Variants in LSG1 observed in about 807,000 individuals in gnomAD.
The protein encoded by LSG1 is large 60S subunit nuclear export GTPase 1, also known as large subunit GTPase 1 homolog.
A neutral mutation model predicts 82.6 loss-of-function variants in LSG1; 55 were observed. That is an observed-to-expected ratio of 0.67 (90% CI 0.54 to 0.83). LSG1 has a LOEUF of 0.83. Among genes scored for constraint, LSG1 ranks in the 40% least tolerant of loss-of-function variants. The probability of loss-of-function intolerance (pLI) is 0.00; values close to 1 mark genes in which losing one functional copy is unlikely to be tolerated. For missense variants in LSG1, 809 were observed against 807.9 expected (o/e 1.00, Z -0.02); for synonymous variants, 272 against 282.5 (o/e 0.96, Z 0.37).
At chr3:194,657,456 A>T (rs1222038421) in intron 7 of LSG1, among the ~76,000 whole-genome samples, 1 of 96,022 alleles carries the variant, frequency 1.0e-5, no homozygotes, top group Non-Finnish European at 2.2e-5. Context: ...TTTGCTTAGT[A>T]AGTTTTTTTT....
chr3:194,649,192 T>C (rs892214281), intron 10 of LSG1, among the ~76,000 whole-genome samples: 1 of 152,152 alleles, frequency 6.6e-6, no homozygotes, highest in Non-Finnish European at 1.5e-5. Flanking sequence ...TCATCTCCCA[T>C]AGTTTGTCCA....
At chr3:194,649,644 T>C (rs113027770) in intron 10 of LSG1, among the ~76,000 whole-genome samples, 6,829 of 151,838 alleles carry the variant, frequency 0.045, 515 homozygotes, top group African/African-American at 0.16. Context: ...GAGCAGAGAT[T>C]GCACCACTGT....
chr3:194,653,154 A>C lies in LSG1; in HGVS notation c.760-12T>G. The stretch of plus-strand genomic sequence containing the variant: ...CTGTTTGCCTCTTCCTGACAAAATA[A>C]TAGAAACGCTCAGAAGTATATAACT... On this transcript the variant is annotated splice_polypyrimidine_tract_variant and intron_variant, in intron 7 of 13. Coordinates refer to ENST00000265245, the MANE Select transcript of LSG1 (RefSeq NM_018385.3). 6.2e-7 allele frequency: 1 copy of C among 1,608,984 alleles called. No homozygotes were observed. Among genetic ancestry groups the C allele is most frequent in the South Asian group, 1.1e-5 (1 of 90,342 alleles).
chr3:194,671,888 T>C, intron 1 of LSG1, 176 bp downstream of exon 1: 2 of 660,634 alleles, frequency 3.0e-6, no homozygotes, highest in South Asian at 1.7e-5. Flanking sequence ...CCTACCTTTG[T>C]GTTCTGGGCC....
chr3:194,671,883 C>G, intron 1 of LSG1, 181 bp downstream of exon 1: 1 of 656,664 alleles, frequency 1.5e-6, no homozygotes, highest in South Asian at 1.7e-5. Flanking sequence ...CTTCTCCTAC[C>G]TTTGTGTTCT....
At position 194,644,704 on chromosome 3, in the gene LSG1, C is replaced by T; in HGVS notation, c.1666G>A (p.Val556Ile). Residue 556 changes from valine (V) to isoleucine (I), a missense_variant, in exon 13 of 14, where the codon GTA becomes ATA. Physicochemically the swap from Val to Ile is conservative, Grantham distance 29 (BLOSUM62 3). Transcript: ENST00000265245. The part of the protein sequence containing the change: ...YCHPPPGRDP[V>I]TFQHQHQRLL... ...CGCTGGTGTTGATGCTGAAAAGTTA[C>T]AGGATCTCTTCCAGGAGGAGGATGG... The T allele has an allele frequency of 1.9e-6, 3 of 1,608,652 alleles. No homozygotes were observed. Among genetic ancestry groups the T allele is most frequent in the Non-Finnish European group, 2.5e-6 (3 of 1,177,080 alleles).
chr3:194,649,210 C>G (rs1016244535), intron 10 of LSG1, among the ~76,000 whole-genome samples: 9 of 152,052 alleles, frequency 5.9e-5, no homozygotes, highest in African/African-American at 1.9e-4. Flanking sequence ...CCAAATTTTC[C>G]TTAAGCCACT....
In LSG1 at chr3:194,641,654, C is replaced by T. The variant is rs939864917; in HGVS notation, c.*414G>A. ...CTTGTGATGCAGTCTCACTCTGTCG[C>T]CCAGGCTGGAGTGCAGCGGCGCAAT... is the stretch of plus-strand genomic sequence containing the variant. On this transcript the variant is annotated 3_prime_UTR_variant, in exon 14 of 14. Transcript: ENST00000265245. The T allele has an allele frequency of 1.3e-5, 2 of 153,942 alleles. No individual in the cohort carries two copies. The highest frequency in any genetic ancestry group is 2.9e-5 in the Non-Finnish European group (2 of 69,236). The allele number at this position is 153,942 out of a possible 1,614,324, so 9.5% of individuals were successfully genotyped here.
At chr3:194,671,984 C>T in intron 1 of LSG1, 80 bp downstream of exon 1, 1 of 1,360,692 alleles carries the variant, frequency 7.3e-7, no homozygotes, top group Non-Finnish European at 1.0e-6. Flanking sequence ...TCCTGCAAAA[C>T]TTATCTGACT....
rs1560219520 is a variant in LSG1 at position 194,645,515 on chromosome 3, C to CACACACACACAG, written c.1623+648_1623+649insCTGTGTGTGTGT. On this transcript the variant is annotated intron_variant, in intron 12 of 13. Transcript: ENST00000265245. ...AGTGCTACACACACACACACACACACACACACACACACACAGACAGACACA... is the reference window on the plus strand; with the variant it reads ...AGTGCTACACACACACACACACACACACACACACACAGACACACACACACACAGACAGACACA... 302 of 53,962 alleles carry CACACACACACAG rather than the reference C, an allele frequency of 5.6e-3. 24 individuals are homozygous for CACACACACACAG. Among genetic ancestry groups the CACACACACACAG allele is most frequent in the Non-Finnish European group, 8.6e-3 (205 of 23,800 alleles). 3.3% of individuals were successfully genotyped at this position (53,962 alleles called of 1,614,324 possible). A position where few individuals can be genotyped will look rare whatever the true frequency, so the allele number is the denominator to read the frequency against.
intron 7 of LSG1, among the ~76,000 whole-genome samples, chr3:194,655,718 G>C (rs1051613896): frequency 6.6e-6 from 1 of 152,032 alleles, no homozygotes; most frequent in South Asian, 2.1e-4. Context: ...AAAGAACAAA[G>C]CTGGAGGCAT....
At chr3:194,646,800 C>T (rs1295860325) in intron 11 of LSG1, among the ~76,000 whole-genome samples, 1 of 152,208 alleles carries the variant, frequency 6.6e-6, no homozygotes, top group East Asian at 1.9e-4. Context: ...GGATTACAAG[C>T]GTGAGGCACT....
chr3:194,654,432 C>T (rs1030988155), intron 7 of LSG1, among the ~76,000 whole-genome samples: 3 of 151,964 alleles, frequency 2.0e-5, no homozygotes, highest in Non-Finnish European at 4.4e-5. Context: ...GAAGGGGACA[C>T]GATGAACTCA....
intron 7 of LSG1, among the ~76,000 whole-genome samples, chr3:194,655,627 A>G (rs1718775263): frequency 6.6e-6 from 1 of 152,214 alleles, no homozygotes; most frequent in South Asian, 2.1e-4. Flanking sequence ...TTTTAATTAT[A>G]GTAATAATTA....
intron 7 of LSG1, among the ~76,000 whole-genome samples, chr3:194,657,458 G>GTTT (rs58115258): frequency 0.16 from 22,487 of 138,644 alleles, 2,356 homozygotes; most frequent in East Asian, 0.43. Flanking sequence ...TGCTTAGTAA[G>GTTT]TTTTTTTTTT....
In LSG1 at chr3:194,653,137, C is replaced by T; in HGVS notation, c.765G>A (p.Glu255=). 6.2e-7 allele frequency: 1 copy of T among 1,612,078 alleles called. No individual in the cohort carries two copies. Among genetic ancestry groups the T allele is most frequent in the Non-Finnish European group, 8.5e-7 (1 of 1,178,730 alleles). The change falls in exon 8 of 14, where the codon GAG becomes GAA. Residue 255 remains glutamate (E), a synonymous_variant. Transcript: ENST00000265245. ...TGCTTTGTCTATCATCTCTGTTTGC[C>T]TCTTCCTGACAAAATAATAGAAACG... is the stretch of plus-strand genomic sequence containing the variant. ...AIPLNGDSEE[E]ANRDDRQSNT...
intron 7 of LSG1, among the ~76,000 whole-genome samples, chr3:194,653,635 T>C (rs1402234921): frequency 6.6e-6 from 1 of 152,090 alleles, no homozygotes; most frequent in Non-Finnish European, 1.5e-5. Flanking sequence ...CCATCGAGGG[T>C]GGCGCCCTCC....
intron 7 of LSG1, among the ~76,000 whole-genome samples, chr3:194,657,273 G>A (rs981832585): frequency 6.6e-6 from 1 of 151,398 alleles, no homozygotes; most frequent in Admixed American, 6.6e-5. Flanking sequence ...CCTGTTCAAC[G>A]ATGTTATCAA....
rs146429726 is a variant in LSG1, at chr3:194,659,345, G to A, written c.583-212C>T. Among the ~76,000 whole-genome samples, 28 of 152,212 alleles carry A rather than the reference G, an allele frequency of 1.8e-4. No individual in the cohort carries two copies. The East Asian group carries it at 3.7e-3, about 20-fold the overall frequency. On this transcript the variant is annotated intron_variant, in intron 6 of 13. Transcript: ENST00000265245. ...TAATATTTTTGTTATGCACCAGTGG[G>A]TTTAAAAATAATCTGGGCCAGGCAT... is the stretch of plus-strand genomic sequence containing the variant.
Sources: allele counts gnomAD v4.1 joint callset (sites outside exome capture counted in the v4.1 genomes callset), GRCh38; gene constraint gnomAD v4.1.1; transcripts MANE v1.5; gene names NCBI Gene and HGNC (gene_info 2026-07-23, HGNC 2026-07-21).